CADM2: variants seen among roughly 807,000 people sequenced by gnomAD.
CADM2 encodes immunoglobulin superfamily member 4D.
Under a neutral mutation model 49.8 loss-of-function variants are expected in CADM2, and 12 were observed. The ratio of observed to expected loss-of-function variants is 0.24; its 90% CI spans 0.15 to 0.39. CADM2 has a LOEUF of 0.39. Among genes scored for constraint, CADM2 ranks in the 10% least tolerant of loss-of-function variants. The pLI, the probability that CADM2 is intolerant of heterozygous loss-of-function variation, is 1.00. For missense variants in CADM2, 378 were observed against 492.3 expected, an observed-to-expected ratio of 0.77 and a Z score of 2.20; for synonymous variants, 214 against 175.4, an observed-to-expected ratio of 1.22 and a Z score of -1.74.
chr3:85,746,332 A>C (rs1228800872), intron 2 of CADM2, among the ~76,000 whole-genome samples: 2 of 152,146 alleles, frequency 1.3e-5, no homozygotes, highest in African/African-American at 4.8e-5. Flanking sequence ...ACATAAATAG[A>C]ACTGATGGAT....
At chr3:85,011,345 T>C (rs903297717) in intron 1 of CADM2, among the ~76,000 whole-genome samples, 14 of 152,096 alleles carry the variant, frequency 9.2e-5, no homozygotes, top group Admixed American at 8.5e-4. Context: ...TTTATTTAGA[T>C]AGGGTGTCCA....
chr3:86,014,595 A>T lies in CADM2; in HGVS notation c.971-51010A>T, dbSNP rs1412486464. ...AAGTGTCCCAACAGTGGAGCACATT[A>T]TTCAGGAACTTAAAGATATATTCTT... On this transcript the variant is annotated intron_variant, in intron 8 of 9. Coordinates refer to ENST00000383699, the MANE Select transcript of CADM2 (RefSeq NM_001167675.2). The T allele has an allele frequency of 3.7e-6, 6 of 1,600,870 alleles. No homozygotes were observed. The East Asian group carries it at 1.3e-4, about 36-fold the overall frequency.
intron 1 of CADM2, among the ~76,000 whole-genome samples, chr3:85,481,896 C>T (rs1241915572): frequency 6.7e-6 from 1 of 149,646 alleles, no homozygotes; most frequent in Non-Finnish European, 1.5e-5. Context: ...CTTTATGAGT[C>T]GGGAAGAAAG....
intron 1 of CADM2, among the ~76,000 whole-genome samples, chr3:85,421,142 T>A (rs922425125): frequency 1.3e-5 from 2 of 152,176 alleles, no homozygotes; most frequent in Non-Finnish European, 2.9e-5. Context: ...GTATGCATCA[T>A]TGAAGAATTT....
intron 1 of CADM2, among the ~76,000 whole-genome samples, chr3:85,303,913 A>G (rs1457723944): frequency 6.6e-6 from 1 of 151,936 alleles, no homozygotes; most frequent in African/African-American, 2.4e-5. Flanking sequence ...TTATGTCAAC[A>G]AACACCTCCG....
chr3:85,977,954 A>G (rs1189419741), intron 8 of CADM2, among the ~76,000 whole-genome samples: 3 of 151,616 alleles, frequency 2.0e-5, no homozygotes, highest in Non-Finnish European at 3.0e-5. Context: ...TATCAGCAGT[A>G]AAGTACTAGA....
At chr3:85,516,578 G>T (rs1375560) in intron 1 of CADM2, among the ~76,000 whole-genome samples, 78,305 of 151,716 alleles carry the variant, frequency 0.52, 23,156 homozygotes, top group East Asian at 0.85. Context: ...TCATATAGTA[G>T]TCTTTTAAAT....
At chr3:85,002,501 C>T (rs1315436320) in intron 1 of CADM2, among the ~76,000 whole-genome samples, 1 of 152,142 alleles carries the variant, frequency 6.6e-6, no homozygotes, top group Non-Finnish European at 1.5e-5. Context: ...CAGATTCATT[C>T]AAAGGAAGCA....
chr3:85,386,130 T>G (rs1389715451), intron 1 of CADM2, among the ~76,000 whole-genome samples: 1 of 152,180 alleles, frequency 6.6e-6, no homozygotes, highest in East Asian at 1.9e-4. Context: ...CTCACTAGGC[T>G]GCAGTAAGCA....
intron 1 of CADM2, among the ~76,000 whole-genome samples, chr3:85,298,534 CT>C (rs1158556195): frequency 6.6e-6 from 1 of 151,998 alleles, no homozygotes; most frequent in Non-Finnish European, 1.5e-5. Context: ...TCTGAACAGA[CT>C]AGGGATTCCA....
At chr3:85,600,905 C>G (rs890588863) in intron 1 of CADM2, among the ~76,000 whole-genome samples, 1 of 150,344 alleles carries the variant, frequency 6.7e-6, no homozygotes, top group Admixed American at 6.7e-5. Flanking sequence ...AGAATAGCAA[C>G]GATTATATCT....
At chr3:85,183,412 A>G (rs1056467717) in intron 1 of CADM2, among the ~76,000 whole-genome samples, 1 of 152,130 alleles carries the variant, frequency 6.6e-6, no homozygotes, top group African/African-American at 2.4e-5. Context: ...TAAATTTAAC[A>G]CATTTATTTA....
intron 1 of CADM2, among the ~76,000 whole-genome samples, chr3:85,012,092 A>G (rs184002101): frequency 2.3e-3 from 342 of 149,842 alleles, no homozygotes; most frequent in Non-Finnish European, 4.0e-3. Context: ...TTTTTCTTTC[A>G]TATTTTAAAG....
At chr3:85,515,783 G>A (rs555931939) in intron 1 of CADM2, among the ~76,000 whole-genome samples, 19 of 151,588 alleles carry the variant, frequency 1.3e-4, no homozygotes, top group Middle Eastern at 6.8e-3. Context: ...GGCCCTAAGT[G>A]TTTCTTTGAA....
chr3:85,757,674 A>G (rs552315770), intron 2 of CADM2, among the ~76,000 whole-genome samples: 5 of 152,182 alleles, frequency 3.3e-5, no homozygotes, highest in Non-Finnish European at 7.4e-5. Context: ...AGTTGAGAAG[A>G]AACATAGTAT....
chr3:85,917,705 A>G (rs1718545560), intron 6 of CADM2, among the ~76,000 whole-genome samples: 1 of 152,206 alleles, frequency 6.6e-6, no homozygotes, highest in Admixed American at 6.6e-5. Context: ...TTCTGTGAAG[A>G]AAGTCATTGG....
chr3:85,591,468 T>A (rs2063106213), intron 1 of CADM2, among the ~76,000 whole-genome samples: 1 of 152,020 alleles, frequency 6.6e-6, no homozygotes, highest in South Asian at 2.1e-4. Context: ...TTTGCAGATT[T>A]ATGGTGACTA....
chr3:85,533,506 A>G (rs1203501966), intron 1 of CADM2, among the ~76,000 whole-genome samples: 1 of 152,192 alleles, frequency 6.6e-6, no homozygotes, highest in South Asian at 2.1e-4. Context: ...AATTTAGGAA[A>G]TTAATGAAAA....
intron 1 of CADM2, among the ~76,000 whole-genome samples, chr3:85,105,110 G>T (rs1052883741): frequency 6.6e-6 from 1 of 152,014 alleles, no homozygotes; most frequent in African/African-American, 2.4e-5. Flanking sequence ...ACACTATGTT[G>T]AATAGGAGTG....
Sources: gnomAD v4.1 joint callset for allele counts (sites outside exome capture counted in the v4.1 genomes callset) on GRCh38, gnomAD v4.1.1 for gene constraint, MANE v1.5 for transcripts, NCBI Gene and HGNC (gene_info 2026-07-23, HGNC 2026-07-21) for gene names.